Variants in ZNF106 observed in about 807,000 individuals in gnomAD.
ZNF106 encodes SH3-domain binding protein 3.
In ZNF106, 67 loss-of-function variants were observed where a neutral mutation model predicts 195.1. The ratio of observed to expected loss-of-function variants is 0.34; its 90% CI spans 0.28 to 0.42. The LOEUF (loss-of-function observed/expected upper bound fraction) is 0.42, where lower values mean the gene tolerates loss of function less well. Among genes scored for constraint, ZNF106 ranks in the 10% least tolerant of loss-of-function variants. The pLI, the probability that ZNF106 is intolerant of heterozygous loss-of-function variation, is 1.00. For missense variants in ZNF106, 2,118 were observed against 2,304.5 expected, an observed-to-expected ratio of 0.92 and a Z score of 1.66; for synonymous variants, 784 against 818.6, an observed-to-expected ratio of 0.96 and a Z score of 0.72.
rs372450773 is a variant in ZNF106, at chr15:42,450,583, C to A, written c.1689G>T (p.Glu563Asp). ...GCAATGACTCATGACACTGTAGCAC[C>A]TCTTTGGCCTTTCGTAAAGTATCAT... The part of the protein sequence containing the change: ...NLNDTLRKAK[E>D]VLQCHESLQN... Residue 563 changes from glutamate to aspartate, a missense_variant, in exon 5 of 22, where the codon GAG becomes GAT. Coordinates refer to ENST00000564754, the MANE Select transcript of ZNF106 (RefSeq NM_001366845.3). 14 of 1,614,020 alleles carry A rather than the reference C, an allele frequency of 8.7e-6. No homozygotes were observed. The highest frequency in any genetic ancestry group is 1.1e-5 in the Non-Finnish European group (13 of 1,180,038).
chr15:42,421,594 A>G (rs560975179), intron 19 of ZNF106, among the ~76,000 whole-genome samples: 1 of 152,308 alleles, frequency 6.6e-6, no homozygotes, highest in South Asian at 2.1e-4. Flanking sequence ...ACCATGCCAC[A>G]CTGGCCAAAT....
rs755321961 is a variant in ZNF106 at position 42,438,593 on chromosome 15, A to G, written c.4600+19T>C. On this transcript the variant is annotated intron_variant, in intron 12 of 21. Transcript: ENST00000564754. ...TTTTAATTCTGTGGTTAACTTAAAT[A>G]AAACTGAACAGCAAATACCTGAAGA... 1.1e-5 allele frequency: 17 copies of G among 1,608,002 alleles called. No homozygotes were observed. Among genetic ancestry groups the G allele is most frequent in the Non-Finnish European group, 1.4e-5 (17 of 1,175,604 alleles).
At chr15:42,485,306 ATAAG>A (rs2056988485) in intron 1 of ZNF106, among the ~76,000 whole-genome samples, 1 of 152,258 alleles carries the variant, frequency 6.6e-6, no homozygotes, top group Non-Finnish European at 1.5e-5. Flanking sequence ...ACAAAAACTT[ATAAG>A]TAATACATAT....
chr15:42,438,804 G>T, intron 11 of ZNF106, 137 bp from the exon 12 acceptor site: 1 of 917,320 alleles, frequency 1.1e-6, no homozygotes. Context: ...TTTTCCATCT[G>T]AAATTTCTTA....
chr15:42,422,139 C>G, intron 18 of ZNF106, 151 bp from the exon 19 acceptor site: 1 of 596,462 alleles, frequency 1.7e-6, no homozygotes, highest in Non-Finnish European at 2.7e-6. Context: ...AATCTAATGG[C>G]AATTTTTCTT....
At chr15:42,422,038 T>G (rs745488116) in intron 18 of ZNF106, 50 bp from the exon 19 acceptor site, 2 of 1,511,280 alleles carry the variant, frequency 1.3e-6, no homozygotes, top group African/African-American at 2.7e-5. Context: ...ACCTTGCGTT[T>G]AATAAGTACA....
chr15:42,459,972 G>T (rs1407419698), intron 3 of ZNF106, among the ~76,000 whole-genome samples: 1 of 151,894 alleles, frequency 6.6e-6, no homozygotes, highest in Non-Finnish European at 1.5e-5. Context: ...GAACCTGGGA[G>T]GTGGAGGTTG....
In ZNF106 at chr15:42,451,159, G is replaced by A. The variant is rs944193615; in HGVS notation, c.1113C>T (p.Arg371=). The part of the protein sequence containing the change: ...NGSAAREKPR[R]WTPYPSQKTL... Reference sequence around the variant, plus strand: ...TCTTCTGAGAAGGGTAAGGCGTCCAGCGACGAGGCTTTTCCCTTGCCGCAC... The same window carrying A: ...TCTTCTGAGAAGGGTAAGGCGTCCAACGACGAGGCTTTTCCCTTGCCGCAC... The change falls in exon 5 of 22, where the codon CGC becomes CGT. Residue 371 remains arginine (R), a synonymous_variant. Transcript: ENST00000564754. 1.9e-6 allele frequency: 3 copies of A among 1,614,178 alleles called. No individual in the cohort carries two copies. The highest frequency in any genetic ancestry group is 2.5e-6 in the Non-Finnish European group (3 of 1,180,032).
In ZNF106 at chr15:42,417,811, G is replaced by A; in HGVS notation, c.5658C>T (p.Ser1886=). ...TCAAGTCCCACTAATGTACCTGTTT[G>A]GATCCTTTCCTAGCAGTGAAAAAAG... ...CDAFFTARKG[S]KQDAAGHIER... The change falls in exon 21 of 22, where the codon TCC becomes TCT. Residue 1886 remains serine (S), a synonymous_variant. Coordinates refer to ENST00000564754, the MANE Select transcript of ZNF106 (RefSeq NM_001366845.3). 1 of 1,613,286 alleles carries A rather than the reference G, an allele frequency of 6.2e-7. No homozygotes were observed. Among genetic ancestry groups the A allele is most frequent in the South Asian group, 1.1e-5 (1 of 90,974 alleles).
chr15:42,419,856 A>G (rs898164818), intron 20 of ZNF106, among the ~76,000 whole-genome samples: 2 of 152,174 alleles, frequency 1.3e-5, no homozygotes, highest in African/African-American at 4.8e-5. Flanking sequence ...AGGCTGAGGC[A>G]GGAGAATCGC....
chr15:42,467,770 C>CT (rs780016253), intron 2 of ZNF106, among the ~76,000 whole-genome samples: 3 of 152,132 alleles, frequency 2.0e-5, no homozygotes, highest in Admixed American at 1.3e-4. Context: ...TATCACGCCA[C>CT]TGCACTCCAG....
intron 1 of ZNF106, among the ~76,000 whole-genome samples, chr15:42,476,600 T>G (rs1028225468): frequency 6.6e-6 from 1 of 152,152 alleles, no homozygotes; most frequent in African/African-American, 2.4e-5. Context: ...CATGCCCAGC[T>G]TCATCTCATT....
intron 14 of ZNF106, among the ~76,000 whole-genome samples, chr15:42,433,768 C>G (rs1048097797): frequency 6.6e-6 from 1 of 152,138 alleles, no homozygotes; most frequent in Non-Finnish European, 1.5e-5. Flanking sequence ...CAGTATTTCT[C>G]AAAGTGCGGT....
In ZNF106 at chr15:42,439,245, C is replaced by G; in HGVS notation, c.4332G>C (p.Ser1444=). Residue 1444 remains serine, a synonymous_variant, in exon 11 of 22, where the codon TCG becomes TCC. Transcript: ENST00000564754. ...TAGGAATTTCTAGGACTTCCAGAGA[C>G]GAGTCACTATCTGGCTCATCTCTGA... ...ESVRDEPDSD[S]SLEVLEIPNP... 6.2e-7 allele frequency: 1 copy of G among 1,614,158 alleles called. No individual in the cohort carries two copies. Among genetic ancestry groups the G allele is most frequent in the Non-Finnish European group, 8.5e-7 (1 of 1,180,024 alleles).
chr15:42,436,357 C>A (rs1030909209), intron 13 of ZNF106, among the ~76,000 whole-genome samples: 1 of 152,126 alleles, frequency 6.6e-6, no homozygotes, highest in African/African-American at 2.4e-5. Context: ...TTTTGATATC[C>A]TGTTCCCCTA....
Position 42,448,404 on chromosome 15 carries a change from G to C in ZNF106, c.2803C>G (p.Gln935Glu), listed in dbSNP as rs370728901. ...GAGGCAGCCCGAGGTGTCACTTCTT[G>C]TTTGAGGTGCATGGTTGCTTTCTGG... ...QSQKATMHLK[Q>E]EVTPRAASLR... Residue 935 changes from glutamine (Q) to glutamate (E), a missense_variant, in exon 6 of 22, where the codon CAA becomes GAA. By Grantham distance (29) the Gln-to-Glu change is conservative. Coordinates refer to ENST00000564754, the MANE Select transcript of ZNF106 (RefSeq NM_001366845.3). 6.2e-7 allele frequency: 1 copy of C among 1,614,044 alleles called. No homozygotes were observed.
In ZNF106 at chr15:42,450,706, A is replaced by G. The variant is rs775650932; in HGVS notation, c.1566T>C (p.His522=). The G allele has an allele frequency of 1.2e-6, 2 of 1,614,190 alleles. No homozygotes were observed. The highest frequency in any genetic ancestry group is 1.1e-5 in the South Asian group (1 of 91,084). ...PSNKPTVEDN[H]GPYISKLRSS... Reference sequence around the variant, plus strand: ...TACGCAGTTTGGATATGTAAGGACCATGGTTATCTTCCACAGTGGGCTTGT... The same window carrying G: ...TACGCAGTTTGGATATGTAAGGACCGTGGTTATCTTCCACAGTGGGCTTGT... Residue 522 remains histidine (H), a synonymous_variant, in exon 5 of 22, where the codon CAT becomes CAC. Coordinates refer to ENST00000564754, the MANE Select transcript of ZNF106 (RefSeq NM_001366845.3).
At position 42,417,365 on chromosome 15, in the gene ZNF106, G is replaced by C; in HGVS notation, c.5665-5C>G. On this transcript the variant is annotated splice_region_variant and splice_polypyrimidine_tract_variant and intron_variant, in intron 21 of 21. Transcript: ENST00000564754. ...TTCAATATGTCCTGCAGCATCCTAGGAATGAAGGGAAAAGGGCCCATGAGA... is the reference window on the plus strand; with the variant it reads ...TTCAATATGTCCTGCAGCATCCTAGCAATGAAGGGAAAAGGGCCCATGAGA... The C allele has an allele frequency of 6.2e-7, 1 of 1,613,880 alleles. No homozygotes were observed. The highest frequency in any genetic ancestry group is 8.5e-7 in the Non-Finnish European group (1 of 1,179,880).
intron 1 of ZNF106, among the ~76,000 whole-genome samples, chr15:42,479,141 A>T (rs1660609089): frequency 1.3e-5 from 2 of 152,142 alleles, no homozygotes; most frequent in Non-Finnish European, 2.9e-5. Context: ...TGGGAGGCCG[A>T]GGTGGGTGGA....
Sources: allele counts gnomAD v4.1 joint callset (sites outside exome capture counted in the v4.1 genomes callset), GRCh38; gene constraint gnomAD v4.1.1; transcripts MANE v1.5; gene names NCBI Gene and HGNC (gene_info 2026-07-23, HGNC 2026-07-21).